The following RAB6A variants were observed in gnomAD, a reference collection of about 807,000 sequenced individuals.
RAB6A encodes the protein ras-related protein Rab-6A.
In RAB6A, 8 loss-of-function variants were observed where a neutral mutation model predicts 32.3. That is an observed-to-expected ratio of 0.25 (90% confidence interval 0.15 to 0.45). The LOEUF is 0.45. Among genes scored for constraint, RAB6A ranks in the 20% least tolerant of loss-of-function variants. The pLI, the probability that RAB6A is intolerant of heterozygous loss-of-function variation, is 1.00. For synonymous variants in RAB6A, 73 were observed against 82.1 expected (o/e 0.89, Z 0.60); for missense variants, 104 against 249.4 (o/e 0.42, Z 3.93).
At position 73,727,731 on chromosome 11, in the gene RAB6A, G is replaced by C. The variant is rs1450542633; in HGVS notation, c.129+3034C>G. On this transcript the variant is annotated intron_variant, in intron 2 of 7. Coordinates refer to ENST00000336083, the MANE Select transcript of RAB6A (RefSeq NM_198896.2). ...AAATGTGGAAAAATACATACTAAGA[G>C]GATTTAGATTTTAAGATTACCCTAA... Among the ~76,000 whole-genome samples, 7 of 152,046 alleles carry C rather than the reference G, an allele frequency of 4.6e-5. No individual in the cohort carries two copies. The East Asian group carries it at 1.4e-3, about 29-fold the overall frequency.
chr11:73,752,061 A>G (rs1289034740), intron 1 of RAB6A, among the ~76,000 whole-genome samples: 1 of 152,214 alleles, frequency 6.6e-6, no homozygotes, highest in East Asian at 1.9e-4. Flanking sequence ...ACAAGCAGAG[A>G]TGAAAAACAA....
At chr11:73,718,164 G>A (rs1946079418) in intron 4 of RAB6A, among the ~76,000 whole-genome samples, 1 of 152,188 alleles carries the variant, frequency 6.6e-6, no homozygotes, top group Non-Finnish European at 1.5e-5. Flanking sequence ...CCTCTACAGA[G>A]AGAGAATGGC....
chr11:73,739,336 TA>T (rs1946459108), intron 1 of RAB6A, among the ~76,000 whole-genome samples: 1 of 85,856 alleles, frequency 1.2e-5, no homozygotes, highest in African/African-American at 4.4e-5. Context: ...AACTAAAAAG[TA>T]AACTAAAAAA....
intron 5 of RAB6A, among the ~76,000 whole-genome samples, chr11:73,714,880 C>T (rs1043526710): frequency 5.3e-5 from 8 of 151,852 alleles, no homozygotes; most frequent in African/African-American, 1.5e-4. Flanking sequence ...GCAGAAGAAT[C>T]GCTTGAACCC....
At chr11:73,735,044 T>C (rs935197003) in intron 1 of RAB6A, among the ~76,000 whole-genome samples, 4 of 152,202 alleles carry the variant, frequency 2.6e-5, no homozygotes, top group Non-Finnish European at 5.9e-5. Context: ...AATAACTACA[T>C]TTGCATTCAC....
intron 6 of RAB6A, among the ~76,000 whole-genome samples, chr11:73,692,523 A>G (rs12223879): frequency 2.7e-5 from 4 of 147,200 alleles, no homozygotes; most frequent in Non-Finnish European, 4.5e-5. Flanking sequence ...AAAAAAAAAA[A>G]GGAAAGAAAA....
At chr11:73,720,240 G>T (rs1158487455) in intron 3 of RAB6A, among the ~76,000 whole-genome samples, 2 of 147,074 alleles carry the variant, frequency 1.4e-5, no homozygotes. Flanking sequence ...GAGTGCAATG[G>T]CGCAATCTCA....
At chr11:73,727,432 A>AG (rs1565367696) in intron 2 of RAB6A, among the ~76,000 whole-genome samples, 6 of 151,500 alleles carry the variant, frequency 4.0e-5, no homozygotes, top group Non-Finnish European at 8.8e-5. Context: ...TCTCTTGGAA[A>AG]AAAAAAAAAA....
At chr11:73,687,125 C>T (rs1245587075) in intron 6 of RAB6A, among the ~76,000 whole-genome samples, 1 of 152,018 alleles carries the variant, frequency 6.6e-6, no homozygotes, top group East Asian at 1.9e-4. Flanking sequence ...AAGTCACACA[C>T]AAAGGAACAA....
chr11:73,734,601 C>T (rs1946365183), intron 1 of RAB6A, among the ~76,000 whole-genome samples: 1 of 152,100 alleles, frequency 6.6e-6, no homozygotes, highest in African/African-American at 2.4e-5. Flanking sequence ...TGTTCTACCT[C>T]AGATCATCAG....
chr11:73,722,056 G>GTGTGTGTGTATAT (rs1555061901), intron 2 of RAB6A, among the ~76,000 whole-genome samples: 11 of 151,022 alleles, frequency 7.3e-5, no homozygotes, highest in Non-Finnish European at 7.4e-5. Context: ...CTTCTGCCAT[G>GTGTGTGTGTATAT]ATTGTAAGTT....
chr11:73,719,459 C>T (rs1946102084), intron 3 of RAB6A, among the ~76,000 whole-genome samples: 2 of 152,110 alleles, frequency 1.3e-5, no homozygotes, highest in Admixed American at 6.5e-5. Flanking sequence ...CGCATGCACG[C>T]GTGTGTGTGT....
intron 6 of RAB6A, among the ~76,000 whole-genome samples, chr11:73,705,621 A>G (rs1296115491): frequency 6.6e-6 from 1 of 152,100 alleles, no homozygotes; most frequent in Non-Finnish European, 1.5e-5. Flanking sequence ...GAAGCTACCC[A>G]CTGCTTTGTC....
intron 1 of RAB6A, among the ~76,000 whole-genome samples, chr11:73,739,569 T>C (rs1489738000): frequency 6.6e-6 from 1 of 151,516 alleles, no homozygotes; most frequent in Admixed American, 6.6e-5. Context: ...GCCAAGTCCT[T>C]GGGCTCAAGA....
At chr11:73,753,674 G>A (rs1352191099) in intron 1 of RAB6A, among the ~76,000 whole-genome samples, 1 of 151,776 alleles carries the variant, frequency 6.6e-6, no homozygotes, top group African/African-American at 2.4e-5. Context: ...TTGCGCCACT[G>A]CACTCCAGCC....
intron 3 of RAB6A, 33 bp downstream of exon 3, chr11:73,720,813 T>G (rs546268351): frequency 1.3e-6 from 2 of 1,532,350 alleles, no homozygotes; most frequent in Admixed American, 3.5e-5. Context: ...CCTGGAATGT[T>G]GCAGAAAATT....
chr11:73,753,127 C>CT (rs1412210292), intron 1 of RAB6A, among the ~76,000 whole-genome samples: 1 of 151,478 alleles, frequency 6.6e-6, no homozygotes, highest in Non-Finnish European at 1.5e-5. Flanking sequence ...GCGAATGCCT[C>CT]TAATCCCAAC....
chr11:73,725,511 G>A (rs1946202837), intron 2 of RAB6A, among the ~76,000 whole-genome samples: 1 of 152,152 alleles, frequency 6.6e-6, no homozygotes, highest in Admixed American at 6.5e-5. Context: ...TGGCTGGGGA[G>A]GCCTCACAAT....
At chr11:73,722,056 G>GTGTGTGTGTATATATATATATATATATAT (rs1555061901) in intron 2 of RAB6A, among the ~76,000 whole-genome samples, 23 of 151,034 alleles carry the variant, frequency 1.5e-4, no homozygotes, top group Non-Finnish European at 2.8e-4. Flanking sequence ...CTTCTGCCAT[G>GTGTGTGTGTATATATATATATATATATAT]ATTGTAAGTT....
Sources: allele counts gnomAD v4.1 joint callset (sites outside exome capture counted in the v4.1 genomes callset), GRCh38; gene constraint gnomAD v4.1.1; transcripts MANE v1.5; gene names NCBI Gene and HGNC (gene_info 2026-07-23, HGNC 2026-07-21).